Variants in STIM1 observed in about 807,000 individuals in gnomAD.
The protein encoded by STIM1 is stromal interaction molecule 1.
A neutral mutation model predicts 74.7 loss-of-function variants in STIM1; 25 were observed. The ratio of observed to expected loss-of-function variants is 0.33; its 90% CI spans 0.24 to 0.47. The LOEUF (loss-of-function observed/expected upper bound fraction) is 0.47. Ranked by LOEUF, STIM1 falls within the 20% of genes least tolerant of loss-of-function variation. STIM1 has a pLI of 1.00. For synonymous variants in STIM1, 328 were observed against 348.8 expected, an observed-to-expected ratio of 0.94 and a Z score of 0.66; for missense variants, 728 against 920.8, an observed-to-expected ratio of 0.79 and a Z score of 2.71.
rs900333903 is a variant in STIM1 at position 3,989,409 on chromosome 11, C to T, written c.270+21727C>T. 9 of 747,958 alleles carry T rather than the reference C, an allele frequency of 1.2e-5. No homozygotes were observed. In the African/African-American group the frequency reaches 1.4e-4, roughly 11 times the overall value. The allele number at this position is 747,958 out of a possible 1,614,324, so 46.3% of individuals were successfully genotyped here. The stretch of plus-strand genomic sequence containing the variant: ...TAGCAGACAACCGCGCCGATCTCCT[C>T]TTGGGCTCTTCCTTGGCGGCCCCTT... On this transcript the variant is annotated intron_variant, in intron 2 of 12. Transcript: ENST00000526596.
At chr11:3,965,680 T>G (rs1346445354) in intron 1 of STIM1, among the ~76,000 whole-genome samples, 2 of 152,238 alleles carry the variant, frequency 1.3e-5, no homozygotes, top group African/African-American at 4.8e-5. Flanking sequence ...TCTTTTTGTA[T>G]GCATACTGTT....
chr11:3,977,919 A>AT (rs1405527040), intron 2 of STIM1, among the ~76,000 whole-genome samples: 1 of 152,072 alleles, frequency 6.6e-6, no homozygotes, highest in Admixed American at 6.5e-5. Context: ...GCAAAATTCC[A>AT]TATCAGCTCT....
At chr11:3,989,505 GGC>G in intron 2 of STIM1, 2 of 601,610 alleles carry the variant, frequency 3.3e-6, no homozygotes, top group Admixed American at 4.5e-5. Context: ...TGTGAGCCGC[GGC>G]GCACCGAGAG....
intron 1 of STIM1, among the ~76,000 whole-genome samples, chr11:3,897,994 T>G: frequency 6.6e-6 from 1 of 152,234 alleles, no homozygotes. Flanking sequence ...TGTGTCTTTA[T>G]AGCAGCATGA....
At chr11:3,932,711 C>A (rs950913162) in intron 1 of STIM1, among the ~76,000 whole-genome samples, 1 of 150,826 alleles carries the variant, frequency 6.6e-6, no homozygotes, top group East Asian at 1.9e-4. Flanking sequence ...CCCTAGAGAT[C>A]TCTCTTGCCC....
chr11:3,919,340 G>T (rs2092689764), intron 1 of STIM1, among the ~76,000 whole-genome samples: 1 of 152,110 alleles, frequency 6.6e-6, no homozygotes, highest in Non-Finnish European at 1.5e-5. Flanking sequence ...CGAGTAGCTG[G>T]GATTACAGGC....
intron 2 of STIM1, among the ~76,000 whole-genome samples, chr11:3,983,787 A>C (rs563803740): frequency 6.6e-6 from 1 of 151,958 alleles, no homozygotes; most frequent in South Asian, 2.1e-4. Context: ...TTTTCTTTGC[A>C]TTCCCTGCAC....
intron 3 of STIM1, among the ~76,000 whole-genome samples, chr11:4,036,480 A>G (rs2094103717): frequency 6.6e-6 from 1 of 152,160 alleles, no homozygotes; most frequent in Non-Finnish European, 1.5e-5. Context: ...CAACAGTGTA[A>G]AAGTGTTCCT....
At chr11:4,072,943 C>G (rs1274235898) in intron 6 of STIM1, among the ~76,000 whole-genome samples, 1 of 151,548 alleles carries the variant, frequency 6.6e-6, no homozygotes, top group Non-Finnish European at 1.5e-5. Flanking sequence ...TTAGGCAGAT[C>G]ACAATTTGCG....
intron 2 of STIM1, among the ~76,000 whole-genome samples, chr11:4,017,826 A>G (rs11030639): frequency 0.32 from 48,194 of 152,050 alleles, 7,781 homozygotes; most frequent in South Asian, 0.46. Flanking sequence ...CTTGTTTCAA[A>G]CCACCATTAG....
intron 2 of STIM1, among the ~76,000 whole-genome samples, chr11:3,987,001 T>C (rs1257786969): frequency 6.6e-6 from 1 of 152,208 alleles, no homozygotes; most frequent in African/African-American, 2.4e-5. Flanking sequence ...ATCTAGCCAC[T>C]TGGTGTCTTG....
chr11:4,003,902 A>C (rs2093748718), intron 2 of STIM1, among the ~76,000 whole-genome samples: 1 of 152,172 alleles, frequency 6.6e-6, no homozygotes, highest in East Asian at 1.9e-4. Flanking sequence ...TCAGGATAAA[A>C]AAAATCAATG....
chr11:4,061,881 A>G (rs541310347), intron 5 of STIM1, among the ~76,000 whole-genome samples: 21 of 152,338 alleles, frequency 1.4e-4, no homozygotes, highest in African/African-American at 4.8e-4. Flanking sequence ...GAAGCCAGAC[A>G]CAAAAGATCA....
intron 3 of STIM1, chr11:4,049,488 C>T (rs569637126): frequency 6.6e-6 from 1 of 151,870 alleles, no homozygotes; most frequent in Admixed American, 6.6e-5. Context: ...CCACACCTGG[C>T]TAATTTTTTT....
chr11:3,938,863 A>G (rs1429723010), intron 1 of STIM1, among the ~76,000 whole-genome samples: 1 of 152,118 alleles, frequency 6.6e-6, no homozygotes, highest in Admixed American at 6.5e-5. Context: ...ACAGTTTAAG[A>G]CCATCATCCA....
intron 3 of STIM1, among the ~76,000 whole-genome samples, chr11:4,048,383 T>C (rs1038057264): frequency 2.0e-5 from 3 of 152,238 alleles, no homozygotes; most frequent in Admixed American, 6.5e-5. Context: ...AATTTGTATA[T>C]AAGTGTAAAC....
chr11:3,869,960 G>C (rs1426194014), intron 1 of STIM1, among the ~76,000 whole-genome samples: 1 of 152,132 alleles, frequency 6.6e-6, no homozygotes, highest in Non-Finnish European at 1.5e-5. Context: ...TTGAGTGTGG[G>C]TCATGAAGAG....
In STIM1 at chr11:3,873,708, C is replaced by T. The variant is rs117524786; in HGVS notation, c.139+17299C>T. On this transcript the variant is annotated intron_variant, in intron 1 of 12. Coordinates refer to ENST00000526596, the MANE Select transcript of STIM1 (RefSeq NM_001382567.1). ...CAGTTCTGTTAGCTCAGTTTACCTA[C>T]GCAGGAAGGGTGTTAGGGCCTCCAG... Among the ~76,000 whole-genome samples the T allele has an allele frequency of 7.2e-3, 1,098 of 152,184 alleles. 21 individuals carry two copies. The highest frequency in any genetic ancestry group is 0.043 in the Admixed American group (659 of 15,286).
At chr11:3,979,964 C>T (rs1192886956) in intron 2 of STIM1, among the ~76,000 whole-genome samples, 1 of 152,122 alleles carries the variant, frequency 6.6e-6, no homozygotes, top group African/African-American at 2.4e-5. Context: ...TGAACCTTCC[C>T]TGACTTTCCC....
Sources: gnomAD v4.1 joint callset for allele counts (sites outside exome capture counted in the v4.1 genomes callset) on GRCh38, gnomAD v4.1.1 for gene constraint, MANE v1.5 for transcripts, NCBI Gene and HGNC (gene_info 2026-07-23, HGNC 2026-07-21) for gene names.